The following PRKD3 variants were observed in gnomAD, a reference collection of about 807,000 sequenced individuals.
The protein encoded by PRKD3 is serine/threonine-protein kinase D3.
PRKD3 carries 47 observed loss-of-function variants against 99.2 expected under a neutral mutation model. The ratio of observed to expected loss-of-function variants is 0.47; its 90% CI spans 0.38 to 0.60. The LOEUF is 0.60. PRKD3 is among the 20% of genes least tolerant of loss of function. The pLI, the probability that PRKD3 is intolerant of heterozygous loss-of-function variation, is 0.00. For synonymous variants in PRKD3, 392 were observed against 355.4 expected (o/e 1.10, Z -1.16); for missense variants, 1,019 against 1,088.4 (o/e 0.94, Z 0.90).
intron 1 of PRKD3, among the ~76,000 whole-genome samples, chr2:37,320,827 T>C (rs1671856984): frequency 6.6e-6 from 1 of 152,220 alleles, no homozygotes; most frequent in Non-Finnish European, 1.5e-5. Flanking sequence ...TTAATACAAC[T>C]AATTTATCAG....
chr2:37,268,481 A>C (rs865859865), intron 13 of PRKD3: 3 of 383,998 alleles, frequency 7.8e-6, no homozygotes, highest in South Asian at 2.0e-5. Context: ...GAAGATCCAG[A>C]CATCTCACAG....
intron 2 of PRKD3, among the ~76,000 whole-genome samples, chr2:37,297,735 A>T (rs913421332): frequency 1.3e-5 from 2 of 152,092 alleles, no homozygotes; most frequent in African/African-American, 4.8e-5. Flanking sequence ...TCTTTTCATT[A>T]TTACTGGGGT....
chr2:37,308,613 C>G (rs540851086), intron 2 of PRKD3, among the ~76,000 whole-genome samples: 2 of 151,372 alleles, frequency 1.3e-5, no homozygotes, highest in Non-Finnish European at 2.9e-5. Context: ...TGCCACCACA[C>G]CTGGCTAGTT....
At chr2:37,300,813 C>G (rs1189727218) in intron 2 of PRKD3, among the ~76,000 whole-genome samples, 1 of 152,152 alleles carries the variant, frequency 6.6e-6, no homozygotes, top group African/African-American at 2.4e-5. Context: ...TATGAGATAA[C>G]TTTCTAGGAG....
chr2:37,277,965 C>T lies in PRKD3; in HGVS notation c.1197G>A (p.Pro399=), dbSNP rs116096831. Residue 399 remains proline, a synonymous_variant, in exon 9 of 19, where the codon CCG becomes CCA. Transcript: ENST00000234179. ...TGATGGATTGTACAACCCTCATTAG[C>T]GGAATATTATTGCTTGTTGATGGAC... ...TISPSTSNNI[P]LMRVVQSIKH... 8,654 of 1,607,128 alleles carry T rather than the reference C, an allele frequency of 5.4e-3. 38 individuals are homozygous for T. The highest frequency in any genetic ancestry group is 0.016 in the Middle Eastern group (94 of 6,036).
Position 37,252,483 on chromosome 2 carries a change from A to G in PRKD3, c.*694T>C, listed in dbSNP as rs560199656. The G allele has an allele frequency of 6.6e-6, 1 of 152,198 alleles. No homozygotes were observed. Among genetic ancestry groups the G allele is most frequent in the African/African-American group, 2.4e-5 (1 of 41,450 alleles). 9.4% of individuals were successfully genotyped at this position (152,198 alleles called of 1,614,324 possible). On this transcript the variant is annotated 3_prime_UTR_variant, in exon 19 of 19. Coordinates refer to ENST00000234179, the MANE Select transcript of PRKD3 (RefSeq NM_005813.6). ...CCTAATTATCTTAGAAGCTGTTGCA[A>G]CACACAGAAGGTGACAATCCTTATG...
chr2:37,320,271 A>G (rs1319275001), intron 1 of PRKD3, among the ~76,000 whole-genome samples: 1 of 152,152 alleles, frequency 6.6e-6, no homozygotes, highest in African/African-American at 2.4e-5. Context: ...TTTCTACCAC[A>G]TTATTCCATA....
intron 1 of PRKD3, among the ~76,000 whole-genome samples, chr2:37,320,210 G>C (rs1671821466): frequency 6.6e-6 from 1 of 152,128 alleles, no homozygotes; most frequent in African/African-American, 2.4e-5. Flanking sequence ...TAGCTAGTAA[G>C]TGATAGAAAT....
chr2:37,267,617 T>C (rs896813342), intron 13 of PRKD3, 81 bp from the exon 14 acceptor site: 7 of 1,019,204 alleles, frequency 6.9e-6, no homozygotes, highest in Middle Eastern at 2.2e-4. Flanking sequence ...GAAATTTATA[T>C]GTATTTACTC....
chr2:37,308,294 C>A (rs912143263), intron 2 of PRKD3, among the ~76,000 whole-genome samples: 1 of 152,078 alleles, frequency 6.6e-6, no homozygotes, highest in Admixed American at 6.6e-5. Flanking sequence ...CTAAACTGAT[C>A]TTTTCATGTT....
intron 2 of PRKD3, among the ~76,000 whole-genome samples, chr2:37,294,723 T>A (rs999720934): frequency 6.6e-6 from 1 of 152,186 alleles, no homozygotes; most frequent in Non-Finnish European, 1.5e-5. Context: ...GAATAAAATA[T>A]CTTCATAACC....
rs1667468838 is a variant in PRKD3 at position 37,251,293 on chromosome 2, T to C, written c.*1884A>G. The C allele has an allele frequency of 6.6e-6, 1 of 152,602 alleles. No homozygotes were observed. Among genetic ancestry groups the C allele is most frequent in the Non-Finnish European group, 1.5e-5 (1 of 68,016 alleles). 9.5% of individuals were successfully genotyped at this position (152,602 alleles called of 1,614,324 possible). On this transcript the variant is annotated 3_prime_UTR_variant, in exon 19 of 19. Transcript: ENST00000234179. Reference sequence around the variant, plus strand: ...GGGGAATGTTTCCTGGAGGTATTTATGGGTAGATAGTACAGCATAATGGTT... The same window carrying C: ...GGGGAATGTTTCCTGGAGGTATTTACGGGTAGATAGTACAGCATAATGGTT...
chr2:37,259,634 A>G lies in PRKD3; in HGVS notation c.2094T>C (p.Cys698=), dbSNP rs758857110. 3 of 1,613,532 alleles carry G rather than the reference A, an allele frequency of 1.9e-6. No individual in the cohort carries two copies. The highest frequency in any genetic ancestry group is 2.7e-5 in the African/African-American group (2 of 74,906). The change falls in exon 16 of 19, where the codon TGT becomes TGC. Residue 698 remains cysteine (C), a synonymous_variant. Transcript: ENST00000234179. ...RNLHFKNIVH[C]DLKPENVLLA... ...GCAGCACATTTTCTGGCTTTAAATC[A>G]CAGTGCACAATATTCTTAAAATGCA...
chr2:37,303,352 T>C (rs1671020348), intron 2 of PRKD3, among the ~76,000 whole-genome samples: 1 of 152,114 alleles, frequency 6.6e-6, no homozygotes, highest in Non-Finnish European at 1.5e-5. Flanking sequence ...AAAAGGCTGT[T>C]GCATAGGCCC....
In PRKD3 at chr2:37,282,606, G is replaced by A. The variant is rs1220439283; in HGVS notation, c.924C>T (p.Asn308=). The A allele has an allele frequency of 1.9e-6, 3 of 1,598,862 alleles. No individual in the cohort carries two copies. In the South Asian group the frequency reaches 3.3e-5, roughly 18 times the overall value. Residue 308 remains asparagine (N), a synonymous_variant, in exon 7 of 19, where the codon AAC becomes AAT. Transcript: ENST00000234179. ...CTTTTGATGCACAGCGTTTATGGCA[G>A]TTGAATTTGCAATCTAAAATGAAAA... ...QGMQCKDCKF[N]CHKRCASKVP...
chr2:37,286,079 T>C, intron 6 of PRKD3, 98 bp downstream of exon 6: 1 of 1,046,348 alleles, frequency 9.6e-7, no homozygotes, highest in Non-Finnish European at 1.3e-6. Flanking sequence ...ATGAGAATAA[T>C]TTCTTTGGCT....
intron 3 of PRKD3, among the ~76,000 whole-genome samples, chr2:37,292,647 TTC>T (rs1462969527): frequency 1.3e-5 from 2 of 151,496 alleles, no homozygotes; most frequent in African/African-American, 4.9e-5. Context: ...CGCCAGGCCT[TTC>T]TTTTGCTTTT....
chr2:37,299,050 C>A (rs542439400), intron 2 of PRKD3, among the ~76,000 whole-genome samples: 1 of 152,250 alleles, frequency 6.6e-6, no homozygotes, highest in South Asian at 2.1e-4. Flanking sequence ...AGTATACCAG[C>A]TGCATGTCTG....
In PRKD3 at chr2:37,282,535, A is replaced by T; in HGVS notation, c.988+7T>A. 1 of 1,542,974 alleles carries T rather than the reference A, an allele frequency of 6.5e-7. No individual in the cohort carries two copies. Among genetic ancestry groups the T allele is most frequent in the Non-Finnish European group, 9.0e-7 (1 of 1,116,696 alleles). Reference sequence around the variant, plus strand: ...TCTTTCACAAAAATTAAGAAAAATAATTTTACCTCCATTGAAAGTAACCTC... The same window carrying T: ...TCTTTCACAAAAATTAAGAAAAATATTTTTACCTCCATTGAAAGTAACCTC... On this transcript the variant is annotated splice_region_variant and intron_variant, in intron 7 of 18. Coordinates refer to ENST00000234179, the MANE Select transcript of PRKD3 (RefSeq NM_005813.6).
Sources: gnomAD v4.1 joint callset for allele counts (sites outside exome capture counted in the v4.1 genomes callset) on GRCh38, gnomAD v4.1.1 for gene constraint, MANE v1.5 for transcripts, NCBI Gene and HGNC (gene_info 2026-07-23, HGNC 2026-07-21) for gene names.